The following PBX1 variants were observed in gnomAD, a reference collection of about 807,000 sequenced individuals.
PBX1 encodes the protein PBX homeobox 1.
A neutral mutation model predicts 53.4 loss-of-function variants in PBX1; 6 were observed. The observed-to-expected ratio is 0.11, with a 90% confidence interval of 0.06 to 0.22. The LOEUF (loss-of-function observed/expected upper bound fraction) is 0.22. Among genes scored for constraint, PBX1 ranks in the 10% least tolerant of loss-of-function variants. The pLI, the probability that PBX1 is intolerant of heterozygous loss-of-function variation, is 1.00. For synonymous variants in PBX1, 204 were observed against 212.3 expected, an observed-to-expected ratio of 0.96 and a Z score of 0.34; for missense variants, 251 against 551.4, an observed-to-expected ratio of 0.46 and a Z score of 5.46.
At chr1:164,708,742 A>G (rs1339846480) in intron 2 of PBX1, among the ~76,000 whole-genome samples, 3 of 152,236 alleles carry the variant, frequency 2.0e-5, no homozygotes, top group Non-Finnish European at 4.4e-5. Flanking sequence ...AATATATGGC[A>G]CAGGTACTGT....
chr1:164,798,166 G>A (rs1404349388), intron 3 of PBX1, among the ~76,000 whole-genome samples: 1 of 152,204 alleles, frequency 6.6e-6, no homozygotes, highest in Admixed American at 6.5e-5. Context: ...GGATGCACCT[G>A]CCTATGTACC....
chr1:164,596,371 A>G (rs1002088957), intron 2 of PBX1, among the ~76,000 whole-genome samples: 2 of 152,112 alleles, frequency 1.3e-5, no homozygotes, highest in African/African-American at 4.8e-5. Flanking sequence ...CCATGCAAAC[A>G]CCTTACTCAT....
intron 2 of PBX1, among the ~76,000 whole-genome samples, chr1:164,588,792 C>T (rs1373618166): frequency 6.6e-6 from 1 of 152,098 alleles, no homozygotes; most frequent in Non-Finnish European, 1.5e-5. Context: ...CGCGTTGCCC[C>T]GGCCTTCTGT....
At chr1:164,580,158 T>G (rs1232998955) in intron 2 of PBX1, among the ~76,000 whole-genome samples, 1 of 152,208 alleles carries the variant, frequency 6.6e-6, no homozygotes, top group Non-Finnish European at 1.5e-5. Flanking sequence ...GTACAGAAAT[T>G]TAATTATCTC....
In PBX1 at chr1:164,622,863, C is replaced by T. The variant is rs113405297; in HGVS notation, c.265+59552C>T. On this transcript the variant is annotated intron_variant, in intron 2 of 8. Transcript: ENST00000420696. ...TTTTTGAGACAGAGTCTTGCTCTTT[C>T]GCCCAGGCTGGAGTGCACTTGGCTC... Among the ~76,000 whole-genome samples the T allele has an allele frequency of 6.3e-3, 843 of 133,702 alleles. 16 individuals carry two copies. The highest frequency in any genetic ancestry group is 0.048 in the Admixed American group (569 of 11,854). 87.7% of individuals were successfully genotyped at this position (133,702 alleles called of 152,430 possible). A position where few individuals can be genotyped will look rare whatever the true frequency, so the allele number is the denominator to read the frequency against.
chr1:164,713,153 A>T (rs1686172), intron 2 of PBX1, among the ~76,000 whole-genome samples: 7 of 151,936 alleles, frequency 4.6e-5, no homozygotes, highest in African/African-American at 1.2e-4. Context: ...CCTGGGGAGG[A>T]GTTGTAAGTT....
intron 2 of PBX1, among the ~76,000 whole-genome samples, chr1:164,681,666 G>A (rs1255661473): frequency 6.6e-6 from 1 of 151,984 alleles, no homozygotes; most frequent in Non-Finnish European, 1.5e-5. Context: ...TAGACACTGG[G>A]GCCTACTTTA....
chr1:164,716,730 A>ACACACG, intron 2 of PBX1, among the ~76,000 whole-genome samples: 1 of 144,964 alleles, frequency 6.9e-6, no homozygotes. Flanking sequence ...ACACACACAC[A>ACACACG]GAAATACACG....
intron 2 of PBX1, among the ~76,000 whole-genome samples, chr1:164,884,232 A>G (rs1672726494): frequency 2.0e-5 from 3 of 152,240 alleles, no homozygotes. Flanking sequence ...AAGAAATTAT[A>G]AACAGGTGAC....
intron 2 of PBX1, among the ~76,000 whole-genome samples, chr1:164,689,532 GA>G (rs1247760676): frequency 6.6e-6 from 1 of 152,144 alleles, no homozygotes; most frequent in African/African-American, 2.4e-5. Context: ...GAAGAGATGT[GA>G]AAAGAAATTT....
At chr1:164,788,588 A>G (rs950262894) in intron 2 of PBX1, among the ~76,000 whole-genome samples, 6 of 152,172 alleles carry the variant, frequency 3.9e-5, no homozygotes, top group African/African-American at 1.4e-4. Flanking sequence ...TCTATGCAAA[A>G]TAGTGCAAGA....
At chr1:164,761,304 A>G (rs946163046) in intron 2 of PBX1, among the ~76,000 whole-genome samples, 3 of 152,260 alleles carry the variant, frequency 2.0e-5, no homozygotes, top group African/African-American at 7.2e-5. Context: ...TTACATGCAC[A>G]TATTTATTAG....
intron 2 of PBX1, among the ~76,000 whole-genome samples, chr1:164,607,701 A>G (rs1189918718): frequency 2.0e-5 from 3 of 152,188 alleles, no homozygotes; most frequent in Non-Finnish European, 4.4e-5. Flanking sequence ...CCTACACAGT[A>G]TAGAAGCAGA....
At chr1:164,845,818 C>T (rs1671545111) in intron 8 of PBX1, among the ~76,000 whole-genome samples, 1 of 152,130 alleles carries the variant, frequency 6.6e-6, no homozygotes, top group Admixed American at 6.5e-5. Context: ...TCCTTATGGC[C>T]TTGGCACCAT....
intron 2 of PBX1, among the ~76,000 whole-genome samples, chr1:164,875,662 C>T (rs1158791863): frequency 6.6e-6 from 1 of 152,050 alleles, no homozygotes; most frequent in Non-Finnish European, 1.5e-5. Flanking sequence ...GAGCCACCGG[C>T]AGGCTCAGTC....
At chr1:164,860,321 C>T (rs1262319321) in intron 2 of PBX1, among the ~76,000 whole-genome samples, 1 of 152,104 alleles carries the variant, frequency 6.6e-6, no homozygotes, top group Non-Finnish European at 1.5e-5. Flanking sequence ...CAATTGCTTT[C>T]TTTAAAGAAT....
intron 2 of PBX1, among the ~76,000 whole-genome samples, chr1:164,862,125 G>A (rs934969062): frequency 2.6e-5 from 4 of 152,188 alleles, no homozygotes; most frequent in African/African-American, 9.7e-5. Flanking sequence ...AGGGAAGCAG[G>A]TTTGGAAATA....
At chr1:164,603,428 T>C (rs187577674) in intron 2 of PBX1, among the ~76,000 whole-genome samples, 2 of 152,296 alleles carry the variant, frequency 1.3e-5, no homozygotes, top group East Asian at 1.9e-4. Flanking sequence ...CAGATGTAGC[T>C]AGAGGACTTT....
intron 4 of PBX1, among the ~76,000 whole-genome samples, chr1:164,805,813 T>C (rs1369192965): frequency 6.6e-6 from 1 of 152,234 alleles, no homozygotes; most frequent in Non-Finnish European, 1.5e-5. Flanking sequence ...CAATTTCTGA[T>C]GCTGAGTGAC....
Sources: gnomAD v4.1 joint callset for allele counts (sites outside exome capture counted in the v4.1 genomes callset) on GRCh38, gnomAD v4.1.1 for gene constraint, MANE v1.5 for transcripts, NCBI Gene and HGNC (gene_info 2026-07-23, HGNC 2026-07-21) for gene names.